Variants in NR2C2 observed in about 807,000 individuals in gnomAD.
NR2C2 encodes nuclear receptor subfamily 2 group C member 2.
Under a neutral mutation model 62.9 loss-of-function variants are expected in NR2C2, and 6 were observed. The observed-to-expected ratio is 0.10, with a 90% confidence interval of 0.05 to 0.19. The LOEUF is 0.19. Ranked by LOEUF, NR2C2 falls within the 10% of genes least tolerant of loss-of-function variation. NR2C2 has a pLI of 1.00. For missense variants in NR2C2, 479 were observed against 762.7 expected (o/e 0.63, Z 4.38); for synonymous variants, 272 against 273.8 (o/e 0.99, Z 0.07).
intron 5 of NR2C2, among the ~76,000 whole-genome samples, chr3:15,022,382 TTTTTTC>T (rs572837704): frequency 0.01 from 1,535 of 148,560 alleles, 35 homozygotes; most frequent in African/African-American, 0.036. Context: ...TGGGCATTTC[TTTTTTC>T]TTTTTCTTTC....
At chr3:15,000,670 C>T (rs1178164350) in intron 1 of NR2C2, among the ~76,000 whole-genome samples, 1 of 152,110 alleles carries the variant, frequency 6.6e-6, no homozygotes, top group Non-Finnish European at 1.5e-5. Context: ...CATGCATTCC[C>T]ATATGAATTT....
intron 1 of NR2C2, among the ~76,000 whole-genome samples, chr3:14,985,527 T>G (rs2040490963): frequency 6.6e-6 from 1 of 152,098 alleles, no homozygotes; most frequent in African/African-American, 2.4e-5. Context: ...TATGTTTTCT[T>G]CCAGAATTTT....
At chr3:14,952,102 G>A (rs2039382680) in intron 1 of NR2C2, among the ~76,000 whole-genome samples, 1 of 152,250 alleles carries the variant, frequency 6.6e-6, no homozygotes, top group South Asian at 2.1e-4. Flanking sequence ...GCAGTGCAGT[G>A]ACAGAGCTTG....
At chr3:14,973,251 G>A (rs1424582708) in intron 1 of NR2C2, among the ~76,000 whole-genome samples, 1 of 151,246 alleles carries the variant, frequency 6.6e-6, no homozygotes, top group Non-Finnish European at 1.5e-5. Flanking sequence ...TTTTTGGCAG[G>A]GTCTTGCTCT....
At chr3:15,039,274 G>T (rs2125090259) in intron 13 of NR2C2, 47 bp downstream of exon 13, 1 of 1,281,920 alleles carries the variant, frequency 7.8e-7, no homozygotes, top group East Asian at 2.3e-5. Context: ...TGCAAGGAGT[G>T]TGGCTGAGTC....
At chr3:14,972,379 T>C (rs1411541022) in intron 1 of NR2C2, among the ~76,000 whole-genome samples, 1 of 152,044 alleles carries the variant, frequency 6.6e-6, no homozygotes, top group African/African-American at 2.4e-5. Context: ...TTCACCATGA[T>C]GGCCAGGTTG....
At chr3:14,993,943 C>T (rs2124858625) in intron 1 of NR2C2, among the ~76,000 whole-genome samples, 1 of 152,306 alleles carries the variant, frequency 6.6e-6, no homozygotes, top group South Asian at 2.1e-4. Context: ...ACAGCAGTCT[C>T]AGCGCCCAAC....
rs190431387 is a variant in NR2C2 at position 15,038,437 on chromosome 3, G to A, written c.1510+300G>A. 77 of 241,532 alleles carry A rather than the reference G, an allele frequency of 3.2e-4. 2 individuals are homozygous for A. The Admixed American group carries it at 3.8e-3, about 12-fold the overall frequency. 15.0% of individuals were successfully genotyped at this position (241,532 alleles called of 1,614,324 possible). The stretch of plus-strand genomic sequence containing the variant: ...ACCATACAAAAGTGTGCTGCCACCC[G>A]ATGTCCTTTCTTTTTTTTCCGGCCC... On this transcript the variant is annotated intron_variant, in intron 12 of 13. Transcript: ENST00000425241.
At chr3:15,014,410 C>T (rs572098142) in intron 3 of NR2C2, among the ~76,000 whole-genome samples, 1 of 152,054 alleles carries the variant, frequency 6.6e-6, no homozygotes, top group East Asian at 1.9e-4. Flanking sequence ...AGAACAGAAA[C>T]TCAAGGTCAG....
chr3:15,047,682 C>CCAT lies in NR2C2; in HGVS notation c.*4676_*4678dup, dbSNP rs891281264. ...CCTATGACTGAATAAATAGTAATTC[C>CCAT]CATCTTTCTATCGCCAGTTAAAAAT... On this transcript the variant is annotated 3_prime_UTR_variant, in exon 14 of 14. Coordinates refer to ENST00000425241, the MANE Select transcript of NR2C2 (RefSeq NM_001291694.2). The CCAT allele has an allele frequency of 6.6e-6, 1 of 152,174 alleles. No homozygotes were observed. The highest frequency in any genetic ancestry group is 2.4e-5 in the African/African-American group (1 of 41,444). The allele number at this position is 152,174 out of a possible 1,614,324, so 9.4% of individuals were successfully genotyped here. A position where few individuals can be genotyped will look rare whatever the true frequency, so the allele number is the denominator to read the frequency against.
intron 1 of NR2C2, among the ~76,000 whole-genome samples, chr3:14,995,668 C>CGCGTGTGTGTGTGTGT (rs1553641024): frequency 7.1e-4 from 105 of 148,624 alleles, no homozygotes; most frequent in African/African-American, 2.5e-3. Flanking sequence ...GTTTTCATTA[C>CGCGTGTGTGTGTGTGT]GTGTGTGTGT....
chr3:15,023,672 T>G (rs1229532174), intron 6 of NR2C2, among the ~76,000 whole-genome samples: 1 of 152,228 alleles, frequency 6.6e-6, no homozygotes, highest in African/African-American at 2.4e-5. Flanking sequence ...CAAGGTGAGA[T>G]AAGGTCTCAG....
intron 1 of NR2C2, among the ~76,000 whole-genome samples, chr3:14,975,859 G>T (rs2040188842): frequency 6.6e-6 from 1 of 152,086 alleles, no homozygotes; most frequent in African/African-American, 2.4e-5. Flanking sequence ...TTTTTGGAAA[G>T]TTTTTGATTA....
intron 13 of NR2C2, among the ~76,000 whole-genome samples, chr3:15,041,335 G>C (rs2042258473): frequency 6.6e-6 from 1 of 151,968 alleles, no homozygotes; most frequent in East Asian, 1.9e-4. Flanking sequence ...AGAAATCTTA[G>C]CCAGCCCCTA....
intron 1 of NR2C2, among the ~76,000 whole-genome samples, chr3:14,953,599 G>A (rs751338171): frequency 2.0e-5 from 3 of 152,020 alleles, no homozygotes; most frequent in Non-Finnish European, 4.4e-5. Context: ...TCCTTAAAAA[G>A]AAAGATTCAC....
intron 1 of NR2C2, among the ~76,000 whole-genome samples, chr3:14,962,052 T>C (rs2039702164): frequency 6.6e-6 from 1 of 152,172 alleles, no homozygotes; most frequent in Non-Finnish European, 1.5e-5. Flanking sequence ...ATACCCACCT[T>C]CTTATTCAGC....
chr3:15,024,438 G>T (rs374459337), intron 7 of NR2C2, among the ~76,000 whole-genome samples: 18 of 152,226 alleles, frequency 1.2e-4, no homozygotes, highest in African/African-American at 4.1e-4. Context: ...TGTCAGTCTA[G>T]ATGTCAATTT....
intron 12 of NR2C2, 24 bp from the exon 13 acceptor site, chr3:15,039,098 G>GC (rs1559311551): frequency 1.3e-6 from 2 of 1,558,406 alleles, no homozygotes; most frequent in African/African-American, 1.4e-5. Context: ...AGGGAACTGG[G>GC]GGGGGGTACT....
At chr3:15,011,399 C>T (rs2041348788) in intron 2 of NR2C2, among the ~76,000 whole-genome samples, 1 of 152,154 alleles carries the variant, frequency 6.6e-6, no homozygotes, top group African/African-American at 2.4e-5. Flanking sequence ...ATGAGGGCTT[C>T]CAAAGGCCAT....
Sources: gnomAD v4.1 joint callset for allele counts (sites outside exome capture counted in the v4.1 genomes callset) on GRCh38, gnomAD v4.1.1 for gene constraint, MANE v1.5 for transcripts, NCBI Gene and HGNC (gene_info 2026-07-23, HGNC 2026-07-21) for gene names.